The following BRD4 variants were observed in gnomAD, a reference collection of about 807,000 sequenced individuals.
The protein encoded by BRD4 is bromodomain containing 4.
BRD4 carries 16 observed loss-of-function variants against 142.1 expected under a neutral mutation model. The observed-to-expected ratio is 0.11, with a 90% confidence interval of 0.08 to 0.17. The LOEUF (loss-of-function observed/expected upper bound fraction) is 0.17. Among genes scored for constraint, BRD4 ranks in the 10% least tolerant of loss-of-function variants. The pLI is 1.00. For missense variants in BRD4, 1,424 were observed against 1,810.9 expected (o/e 0.79, Z 3.88); for synonymous variants, 833 against 707.5 (o/e 1.18, Z -2.82).
Position 15,265,579 on chromosome 19 carries a change from G to C in BRD4, c.624C>G (p.Thr208=), listed in dbSNP as rs200335510. 36 of 1,614,122 alleles carry C rather than the reference G, an allele frequency of 2.2e-5. No individual in the cohort carries two copies. The African/African-American group carries it at 3.1e-4, about 14-fold the overall frequency. Residue 208 remains threonine, a synonymous_variant, in exon 5 of 20, where the codon ACC becomes ACG. Coordinates refer to ENST00000679869, the MANE Select transcript of BRD4 (RefSeq NM_001379291.1). ...NTTQASTPPQ[T]QTPQPNPPPV... ...GAGGAGGATTCGGCTGAGGGGTCTG[G>C]GTCTGCGGAGGAGTCGATGCTTGAG...
At chr19:15,307,062 A>C (rs1173734593) in intron 1 of BRD4, among the ~76,000 whole-genome samples, 1 of 152,334 alleles carries the variant, frequency 6.6e-6, no homozygotes, top group South Asian at 2.1e-4. Context: ...CAAAACCGGT[A>C]AACTCAAAAT....
chr19:15,327,928 G>GGGT (rs1599536271), intron 1 of BRD4, among the ~76,000 whole-genome samples: 1 of 109,802 alleles, frequency 9.1e-6, no homozygotes, highest in South Asian at 3.9e-4. Context: ...TGGGGGGGGG[G>GGGT]GGTGGAAATG....
At chr19:15,309,451 G>A (rs1303061419) in intron 1 of BRD4, among the ~76,000 whole-genome samples, 1 of 151,988 alleles carries the variant, frequency 6.6e-6, no homozygotes. Flanking sequence ...GGAGAAACTG[G>A]AACCCTCATA....
At chr19:15,293,249 G>A (rs902152751) in intron 1 of BRD4, among the ~76,000 whole-genome samples, 19 of 152,238 alleles carry the variant, frequency 1.2e-4, no homozygotes, top group African/African-American at 4.6e-4. Context: ...AGACACTAGA[G>A]TGGTTGTTTT....
chr19:15,319,951 C>A (rs59911285), intron 1 of BRD4, among the ~76,000 whole-genome samples: 10,310 of 152,048 alleles, frequency 0.068, 1,131 homozygotes, highest in African/African-American at 0.23. Flanking sequence ...CAAAACAAAA[C>A]AAAAAAGCCA....
chr19:15,255,227 A>C, intron 10 of BRD4, 70 bp downstream of exon 10: 1 of 1,459,142 alleles, frequency 6.9e-7, no homozygotes, highest in Non-Finnish European at 9.3e-7. Flanking sequence ...GAGTGGACTG[A>C]GCAAGGAGGG....
chr19:15,248,907 T>C (rs998948211), intron 11 of BRD4: 2 of 351,842 alleles, frequency 5.7e-6, no homozygotes, highest in South Asian at 9.7e-5. Flanking sequence ...AGAGAAAACA[T>C]ACTTGGGGTC....
At chr19:15,242,184 C>T (rs1404399507) in intron 14 of BRD4, among the ~76,000 whole-genome samples, 1 of 152,032 alleles carries the variant, frequency 6.6e-6, no homozygotes, top group Non-Finnish European at 1.5e-5. Context: ...GCAGGCAGCA[C>T]CCGGTACACA....
At chr19:15,320,907 T>C (rs1380055525) in intron 1 of BRD4, among the ~76,000 whole-genome samples, 1 of 152,250 alleles carries the variant, frequency 6.6e-6, no homozygotes, top group African/African-American at 2.4e-5. Context: ...CATAATTTCT[T>C]GCTCCAAGTT....
chr19:15,320,307 G>A (rs190705781), intron 1 of BRD4, among the ~76,000 whole-genome samples: 1 of 152,188 alleles, frequency 6.6e-6, no homozygotes, highest in African/African-American at 2.4e-5. Flanking sequence ...GAGGCTTTTC[G>A]TAATGCTTGA....
rs778473898 is a variant in BRD4, at chr19:15,269,058, C to G, written c.286-16G>C. 2 of 1,613,378 alleles carry G rather than the reference C, an allele frequency of 1.2e-6. No individual in the cohort carries two copies. The highest frequency in any genetic ancestry group is 1.7e-6 in the Non-Finnish European group (2 of 1,179,708). On this transcript the variant is annotated splice_polypyrimidine_tract_variant and intron_variant, in intron 2 of 19. Transcript: ENST00000679869. The stretch of plus-strand genomic sequence containing the variant: ...TATAGTAATCCTGGAGAGCAGAGAG[C>G]AAAAGTCCAGTGTCACCTAGGCAGC...
At chr19:15,259,773 T>A (rs901756539) in intron 7 of BRD4, among the ~76,000 whole-genome samples, 11 of 152,210 alleles carry the variant, frequency 7.2e-5, no homozygotes, top group African/African-American at 2.2e-4. Context: ...ACGAGCTCCC[T>A]GTTCAAGGAG....
intron 1 of BRD4, among the ~76,000 whole-genome samples, chr19:15,319,882 G>C (rs2048046759): frequency 6.6e-6 from 1 of 152,156 alleles, no homozygotes; most frequent in Non-Finnish European, 1.5e-5. Flanking sequence ...ACTACAGTTA[G>C]CTGTGATCAT....
intron 1 of BRD4, among the ~76,000 whole-genome samples, chr19:15,329,868 G>A (rs760126812): frequency 6.6e-6 from 1 of 152,206 alleles, no homozygotes; most frequent in Non-Finnish European, 1.5e-5. Context: ...GTGCAATTTA[G>A]TACAAAGATC....
intron 11 of BRD4, among the ~76,000 whole-genome samples, chr19:15,250,893 G>A (rs1276701585): frequency 1.3e-5 from 2 of 152,178 alleles, no homozygotes; most frequent in African/African-American, 2.4e-5. Context: ...TCTTCCTCCA[G>A]CCTGCTCCAC....
In BRD4 at chr19:15,267,563, G is replaced by A. The variant is rs889398204; in HGVS notation, c.424-12C>T. The A allele has an allele frequency of 6.2e-7, 1 of 1,611,954 alleles. No individual in the cohort carries two copies. The highest frequency in any genetic ancestry group is 1.1e-5 in the South Asian group (1 of 91,012). On this transcript the variant is annotated splice_polypyrimidine_tract_variant and intron_variant, in intron 3 of 19. Transcript: ENST00000679869. ...ATGTCATCTCCAGGCTGGATAAGGA[G>A]ACACAGGGGTAGAGTCAGAGGGCCC... is the stretch of plus-strand genomic sequence containing the variant.
chr19:15,253,729 T>C (rs747911655), intron 11 of BRD4: 57 of 1,598,258 alleles, frequency 3.6e-5, no homozygotes, highest in Non-Finnish European at 4.7e-5. Flanking sequence ...GCACTGCACG[T>C]GACTGTGATA....
At position 15,267,478 on chromosome 19, in the gene BRD4, G is replaced by C; in HGVS notation, c.497C>G (p.Thr166Arg). The C allele has an allele frequency of 6.2e-7, 1 of 1,614,140 alleles. No individual in the cohort carries two copies. Among genetic ancestry groups the C allele is most frequent in the South Asian group, 1.1e-5 (1 of 91,076 alleles). The change falls in exon 4 of 20, where the codon ACA becomes AGA. Residue 166 changes from threonine to arginine, a missense_variant. Transcript: ENST00000679869. ...LFLQKINELP[T>R]EETEIMIVQA... Reference sequence around the variant, plus strand: ...GACTATCATGATCTCGGTTTCTTCTGTGGGTAGCTCATTTATTTTTTGCAA... The same window carrying C: ...GACTATCATGATCTCGGTTTCTTCTCTGGGTAGCTCATTTATTTTTTGCAA...
rs2047528137 is a variant in BRD4, at chr19:15,265,744, CG to C, written c.560-102del. ...ACCACACACAGTGAACGCACATTCG[CG>C]TGTTGCATTTGCCTGAGAGACGAAC... On this transcript the variant is annotated intron_variant, in intron 4 of 19. Coordinates refer to ENST00000679869, the MANE Select transcript of BRD4 (RefSeq NM_001379291.1). 1.6e-5 allele frequency: 20 copies of C among 1,286,658 alleles called. No homozygotes were observed. The South Asian group carries it at 2.4e-4, about 16-fold the overall frequency. 79.7% of individuals were successfully genotyped at this position (1,286,658 alleles called of 1,614,324 possible). A position where few individuals can be genotyped will look rare whatever the true frequency, so the allele number is the denominator to read the frequency against.
Sources: gnomAD v4.1 joint callset for allele counts (sites outside exome capture counted in the v4.1 genomes callset) on GRCh38, gnomAD v4.1.1 for gene constraint, MANE v1.5 for transcripts, NCBI Gene and HGNC (gene_info 2026-07-23, HGNC 2026-07-21) for gene names.